Variants in COG2 observed in about 807,000 individuals in gnomAD.
COG2 encodes the protein component of oligomeric golgi complex 2, also known as conserved oligomeric Golgi complex subunit 2.
In COG2, 52 loss-of-function variants were observed where a neutral mutation model predicts 90.6. The observed-to-expected ratio is 0.57, with a 90% CI of 0.46 to 0.72. The LOEUF is 0.72. Ranked by LOEUF, COG2 falls within the 30% of genes least tolerant of loss-of-function variation. COG2 has a pLI of 0.00. For synonymous variants in COG2, 337 were observed against 320.4 expected (o/e 1.05, Z -0.55); for missense variants, 829 against 891.2 (o/e 0.93, Z 0.89).
In COG2 at chr1:230,691,477, C is replaced by T. The variant is rs1180575564; in HGVS notation, c.2028C>T (p.Ala676=). The T allele has an allele frequency of 1.2e-6, 2 of 1,614,152 alleles. No homozygotes were observed. Among genetic ancestry groups the T allele is most frequent in the African/African-American group, 2.7e-5 (2 of 75,036 alleles). The change falls in exon 17 of 18, where the codon GCC becomes GCT. Residue 676 remains alanine (A), a synonymous_variant. Coordinates refer to ENST00000366669, the MANE Select transcript of COG2 (RefSeq NM_007357.3). ...AACAAGCCAGAAAAACCACTCCCGCCAACCCCGTCGGTCCCAGTGGTGGCA... is the reference window on the plus strand; with the variant it reads ...AACAAGCCAGAAAAACCACTCCCGCTAACCCCGTCGGTCCCAGTGGTGGCA... ...RLKQARKTTP[A]NPVGPSGGMS... is the part of the protein sequence containing the mutation.
chr1:230,688,258 T>C, intron 14 of COG2, 115 bp downstream of exon 14: 1 of 1,210,064 alleles, frequency 8.3e-7, no homozygotes, highest in Non-Finnish European at 1.2e-6. Context: ...TCCTTGGTTG[T>C]TTCTCTATTC....
At chr1:230,666,141 CTTCACA>C (rs1430395286) in intron 5 of COG2, among the ~76,000 whole-genome samples, 1 of 152,176 alleles carries the variant, frequency 6.6e-6, no homozygotes, top group Non-Finnish European at 1.5e-5. Flanking sequence ...TCTCCAGGCA[CTTCACA>C]TTCATCATGT....
chr1:230,678,896 C>A lies in COG2; in HGVS notation c.1027-17C>A. 2 of 1,604,732 alleles carry A rather than the reference C, an allele frequency of 1.2e-6. No homozygotes were observed. The highest frequency in any genetic ancestry group is 1.7e-6 in the Non-Finnish European group (2 of 1,175,670). ...TAGTGTTCTAATAATGAAAATTTTCCTTTTGTTTTATTTTAGAAATATACC... is the reference window on the plus strand; with the variant it reads ...TAGTGTTCTAATAATGAAAATTTTCATTTTGTTTTATTTTAGAAATATACC... On this transcript the variant is annotated splice_polypyrimidine_tract_variant and intron_variant, in intron 9 of 17. Transcript: ENST00000366669.
In COG2 at chr1:230,660,829, T is replaced by C. The variant is rs1662164214; in HGVS notation, c.300+6T>C. 3 of 1,564,462 alleles carry C rather than the reference T, an allele frequency of 1.9e-6. No individual in the cohort carries two copies. Among genetic ancestry groups the C allele is most frequent in the Non-Finnish European group, 2.6e-6 (3 of 1,155,148 alleles). ...AATTACGAGAAGAGGTTCTGGTAAG[T>C]TTCCCGAATAACATCAAACAGTTTA... On this transcript the variant is annotated splice_donor_region_variant and intron_variant, in intron 3 of 17. Transcript: ENST00000366669.
At chr1:230,645,066 T>G (rs1661729391) in intron 1 of COG2, among the ~76,000 whole-genome samples, 1 of 151,744 alleles carries the variant, frequency 6.6e-6, no homozygotes, top group South Asian at 2.1e-4. Flanking sequence ...GAGAATGCAT[T>G]TCTACAAAAT....
At chr1:230,673,003 C>G (rs969125097) in intron 8 of COG2, among the ~76,000 whole-genome samples, 4 of 152,156 alleles carry the variant, frequency 2.6e-5, no homozygotes. Context: ...TTGCAGTACC[C>G]TCTCTGTTTC....
chr1:230,671,327 A>T (rs1324627832), intron 7 of COG2, 189 bp from the exon 8 acceptor site: 1 of 469,274 alleles, frequency 2.1e-6, no homozygotes, highest in Non-Finnish European at 3.8e-6. Flanking sequence ...GTATCTGTAC[A>T]GCCTAATCCA....
At chr1:230,686,137 A>G (rs972886718) in intron 12 of COG2, among the ~76,000 whole-genome samples, 2 of 152,214 alleles carry the variant, frequency 1.3e-5, no homozygotes, top group African/African-American at 4.8e-5. Flanking sequence ...CATCTGGAGA[A>G]TGGGAAAACA....
At chr1:230,654,241 G>C (rs1296450025) in intron 1 of COG2, among the ~76,000 whole-genome samples, 1 of 152,152 alleles carries the variant, frequency 6.6e-6, no homozygotes, top group Non-Finnish European at 1.5e-5. Flanking sequence ...GATTTTTATG[G>C]TTTTAGGTCT....
chr1:230,656,014 GTCTA>G (rs1479720068), intron 1 of COG2, among the ~76,000 whole-genome samples: 2 of 152,062 alleles, frequency 1.3e-5, no homozygotes, highest in Non-Finnish European at 2.9e-5. Flanking sequence ...CTGGCTAGAG[GTCTA>G]TCTATTTTGT....
intron 1 of COG2, among the ~76,000 whole-genome samples, chr1:230,658,136 G>T (rs1662107453): frequency 6.6e-6 from 1 of 152,134 alleles, no homozygotes; most frequent in East Asian, 1.9e-4. Context: ...ATCCTTTGGA[G>T]GTGAAGAGGC....
rs754595160 is a variant in COG2 at position 230,674,421 on chromosome 1, GACAAA to G, written c.900-572_900-568del. On this transcript the variant is annotated intron_variant, in intron 8 of 17. Coordinates refer to ENST00000366669, the MANE Select transcript of COG2 (RefSeq NM_007357.3). The stretch of plus-strand genomic sequence containing the variant: ...ATTTAAAAGTCTGGTGCTAAAAAAA[GACAAA>G]ACAAGACAGGCACACACACAAAATA... 3.9e-5 allele frequency among the ~76,000 whole-genome samples: 6 copies of G among 152,250 alleles called. 1 individual carries two copies. The highest frequency in any genetic ancestry group is 7.4e-5 in the Non-Finnish European group (5 of 68,004).
Position 230,671,588 on chromosome 1 carries a change from G to T in COG2, c.847G>T (p.Val283Phe), listed in dbSNP as rs1196162157. ...QVMYNKLLEF[V>F]PHHCRLLREV... ...CATGTATAATAAACTCCTGGAGTTTGTTCCTCACCATTGCCGCCTTCTTCG... is the reference window on the plus strand; with the variant it reads ...CATGTATAATAAACTCCTGGAGTTTTTTCCTCACCATTGCCGCCTTCTTCG... Residue 283 changes from valine to phenylalanine, a missense_variant, in exon 8 of 18, where the codon GTT becomes TTT. Physicochemically the swap from Val to Phe is conservative, Grantham distance 50 (BLOSUM62 -1). Coordinates refer to ENST00000366669, the MANE Select transcript of COG2 (RefSeq NM_007357.3). 8 of 1,613,684 alleles carry T rather than the reference G, an allele frequency of 5.0e-6. No individual in the cohort carries two copies. The highest frequency in any genetic ancestry group is 1.3e-5 in the African/African-American group (1 of 74,992).
intron 17 of COG2, chr1:230,691,884 G>A (rs1195926436): frequency 1.3e-5 from 3 of 233,564 alleles, no homozygotes; most frequent in African/African-American, 2.2e-5. Flanking sequence ...TAATTGGTGC[G>A]AACCCCAGGC....
chr1:230,668,738 A>G lies in COG2; in HGVS notation c.548A>G (p.His183Arg). 1 of 1,613,178 alleles carries G rather than the reference A, an allele frequency of 6.2e-7. No homozygotes were observed. The highest frequency in any genetic ancestry group is 8.5e-7 in the Non-Finnish European group (1 of 1,179,538). ...IATEFNQLQF[H>R]AVQSKGMPLL... ...ACAGAATTTAATCAGTTACAGTTTC[A>G]TGCTGTTCAAAGCAAAGGCATGCCT... The change falls in exon 6 of 18, where the codon CAT becomes CGT. Residue 183 changes from histidine (H) to arginine (R), a missense_variant. His to Arg is a conservative substitution (Grantham distance 29). Transcript: ENST00000366669.
chr1:230,680,390 A>G (rs1184251399), intron 10 of COG2: 4 of 152,606 alleles, frequency 2.6e-5, no homozygotes, highest in Non-Finnish European at 5.8e-5. Flanking sequence ...CCTGGGACCC[A>G]TGCAGCATCA....
At chr1:230,688,353 G>C in intron 14 of COG2, 67 bp from the exon 15 acceptor site, 1 of 1,563,496 alleles carries the variant, frequency 6.4e-7, no homozygotes, top group Non-Finnish European at 8.8e-7. Flanking sequence ...TGCTGTGACA[G>C]TATTTCAAAT....
intron 10 of COG2, chr1:230,680,101 T>C (rs1558277525): frequency 6.6e-6 from 1 of 152,228 alleles, no homozygotes; most frequent in African/African-American, 2.4e-5. Context: ...ACGGATTTGT[T>C]CATCTAAGAT....
intron 10 of COG2, chr1:230,679,423 T>C (rs1445983577): frequency 6.3e-6 from 1 of 159,116 alleles, no homozygotes; most frequent in African/African-American, 2.4e-5. Context: ...CCTCAAATAA[T>C]GAACCTGTCT....
Sources: allele counts gnomAD v4.1 joint callset (sites outside exome capture counted in the v4.1 genomes callset), GRCh38; gene constraint gnomAD v4.1.1; transcripts MANE v1.5; gene names NCBI Gene and HGNC (gene_info 2026-07-23, HGNC 2026-07-21).